GNPTAB: variants seen among roughly 807,000 people sequenced by gnomAD.
The protein encoded by GNPTAB is N-acetylglucosamine-1-phosphotransferase subunits alpha/beta.
A neutral mutation model predicts 136.6 loss-of-function variants in GNPTAB; 92 were observed. The observed-to-expected ratio is 0.67, with a 90% confidence interval of 0.57 to 0.80. The LOEUF (loss-of-function observed/expected upper bound fraction) is 0.80, where lower values mean the gene tolerates loss of function less well. GNPTAB is among the 30% of genes least tolerant of loss of function. GNPTAB has a pLI of 0.00. For missense variants in GNPTAB, 1,343 were observed against 1,501.8 expected (o/e 0.89, Z 1.75); for synonymous variants, 512 against 535.1 (o/e 0.96, Z 0.60).
In GNPTAB at chr12:101,765,307, A is replaced by G. The variant is rs1303293752; in HGVS notation, c.1613-3T>C. The G allele has an allele frequency of 5.7e-6, 9 of 1,589,598 alleles. No individual in the cohort carries two copies. Among genetic ancestry groups the G allele is most frequent in the Middle Eastern group, 3.3e-4 (2 of 6,024 alleles). On this transcript the variant is annotated splice_polypyrimidine_tract_variant and splice_region_variant and intron_variant, in intron 12 of 20. Transcript: ENST00000299314. ...TTTATACAATTCATGAAAATGATCT[A>G]GAGGAAAAAACAGAAACATGATTTT...
At chr12:101,817,862 G>A (rs1453456970) in intron 1 of GNPTAB, among the ~76,000 whole-genome samples, 14 of 152,224 alleles carry the variant, frequency 9.2e-5, no homozygotes, top group Admixed American at 5.2e-4. Context: ...TTTTCACCCC[G>A]TCTCCTGTTG....
intron 1 of GNPTAB, among the ~76,000 whole-genome samples, chr12:101,803,996 C>T (rs1348715363): frequency 6.6e-6 from 1 of 151,820 alleles, no homozygotes; most frequent in Non-Finnish European, 1.5e-5. Context: ...CTTTGGGAGG[C>T]CGAGGTGGGA....
chr12:101,757,349 C>T (rs756760913), intron 17 of GNPTAB, 39 bp from the exon 18 acceptor site: 39 of 1,172,420 alleles, frequency 3.3e-5, no homozygotes, highest in African/African-American at 1.5e-4. Context: ...TAAATAATTA[C>T]ATGGATATAA....
chr12:101,811,223 A>G (rs566096221), intron 1 of GNPTAB, among the ~76,000 whole-genome samples: 1 of 152,158 alleles, frequency 6.6e-6, no homozygotes, highest in African/African-American at 2.4e-5. Context: ...AAATAGTAAC[A>G]TCTTAGACTT....
At chr12:101,830,337 G>A (rs975575756) in intron 1 of GNPTAB, among the ~76,000 whole-genome samples, 2 of 152,166 alleles carry the variant, frequency 1.3e-5, no homozygotes, top group Admixed American at 6.5e-5. Context: ...AAAGAATACT[G>A]TATTTGGCCG....
chr12:101,822,965 T>C (rs1485756621), intron 1 of GNPTAB, among the ~76,000 whole-genome samples: 1 of 152,182 alleles, frequency 6.6e-6, no homozygotes, highest in Non-Finnish European at 1.5e-5. Context: ...ACATAACAAA[T>C]ATTTGGGAGA....
At chr12:101,816,195 AT>A (rs1222755210) in intron 1 of GNPTAB, among the ~76,000 whole-genome samples, 1 of 152,214 alleles carries the variant, frequency 6.6e-6, no homozygotes, top group Non-Finnish European at 1.5e-5. Context: ...GACAAATGGG[AT>A]TACATCAATC....
chr12:101,765,967 T>C (rs986017219), intron 12 of GNPTAB, 124 bp downstream of exon 12: 1 of 835,810 alleles, frequency 1.2e-6, no homozygotes, highest in Admixed American at 1.7e-5. Context: ...CTAGTTTGAA[T>C]GCAAGGCTGG....
chr12:101,770,577 C>T lies in GNPTAB; in HGVS notation c.942G>A (p.Gln314=), dbSNP rs1406146829. The change falls in exon 9 of 21, where the codon CAG becomes CAA. Residue 314 remains glutamine (Q), a synonymous_variant. Transcript: ENST00000299314. The part of the protein sequence containing the change: ...WDLSAISQSK[Q]DEDISASRFE... ...AACGACTGGCAGAGATGTCTTCATC[C>T]TGCTTAGACTGAGAAAAACACTTGG... 1 of 1,612,104 alleles carries T rather than the reference C, an allele frequency of 6.2e-7. No individual in the cohort carries two copies. The highest frequency in any genetic ancestry group is 8.5e-7 in the Non-Finnish European group (1 of 1,178,324).
At chr12:101,761,899 G>T in intron 13 of GNPTAB, 136 bp from the exon 14 acceptor site, 1 of 722,486 alleles carries the variant, frequency 1.4e-6, no homozygotes, top group Non-Finnish European at 2.4e-6. Flanking sequence ...CATGTTAACG[G>T]GTCACTTTAA....
chr12:101,781,642 C>A (rs1276608894), intron 5 of GNPTAB, among the ~76,000 whole-genome samples: 1 of 152,098 alleles, frequency 6.6e-6, no homozygotes, highest in Non-Finnish European at 1.5e-5. Context: ...CATGATCATG[C>A]CACTGCACTC....
Position 101,754,186 on chromosome 12 carries a change from G to A in GNPTAB, c.3435-647C>T, listed in dbSNP as rs112065075. 6.0e-3 allele frequency among the ~76,000 whole-genome samples: 912 copies of A among 152,128 alleles called. 7 individuals are homozygous for A. Among genetic ancestry groups the A allele is most frequent in the African/African-American group, 0.021 (871 of 41,490 alleles). Reference sequence around the variant, plus strand: ...TCATGCCTGTAATCCCAGCACTTTGGGAGATCAAGGTAGGCTGATTACTTG... The same window carrying A: ...TCATGCCTGTAATCCCAGCACTTTGAGAGATCAAGGTAGGCTGATTACTTG... On this transcript the variant is annotated intron_variant, in intron 18 of 20. Coordinates refer to ENST00000299314, the MANE Select transcript of GNPTAB (RefSeq NM_024312.5).
chr12:101,776,742 G>GCC lies in GNPTAB; in HGVS notation c.771+3408_771+3409dup, dbSNP rs765881532. 9.9e-5 allele frequency among the ~76,000 whole-genome samples: 15 copies of GCC among 152,220 alleles called. No individual in the cohort carries two copies. The East Asian group carries it at 1.9e-3, about 20-fold the overall frequency. On this transcript the variant is annotated intron_variant, in intron 7 of 20. Coordinates refer to ENST00000299314, the MANE Select transcript of GNPTAB (RefSeq NM_024312.5). Reference sequence around the variant, plus strand: ...CCTCATATGGCTCATTCCTTAAGCAGCCCCCTAAGTGCCAAGTAATCACTA... The same window carrying GCC: ...CCTCATATGGCTCATTCCTTAAGCAGCCCCCCCTAAGTGCCAAGTAATCACTA...
chr12:101,826,830 G>C (rs1224107892), intron 1 of GNPTAB, among the ~76,000 whole-genome samples: 1 of 151,628 alleles, frequency 6.6e-6, no homozygotes, highest in Non-Finnish European at 1.5e-5. Flanking sequence ...AGTCAATCTA[G>C]TAACACCATT....
intron 1 of GNPTAB, among the ~76,000 whole-genome samples, chr12:101,813,179 G>A (rs777577028): frequency 2.0e-5 from 3 of 152,066 alleles, no homozygotes; most frequent in Non-Finnish European, 2.9e-5. Context: ...AATCCGAAGG[G>A]AAACTAGAGT....
At chr12:101,796,143 G>A in intron 2 of GNPTAB, 1 of 689,714 alleles carries the variant, frequency 1.4e-6, no homozygotes, top group Non-Finnish European at 2.6e-6. Flanking sequence ...TTACTGGGGA[G>A]TGGTCCCATT....
At chr12:101,811,752 C>T (rs1251502229) in intron 1 of GNPTAB, among the ~76,000 whole-genome samples, 1 of 151,408 alleles carries the variant, frequency 6.6e-6, no homozygotes, top group Admixed American at 6.6e-5. Context: ...GATTCTCTTG[C>T]CTCAGCTTCC....
At position 101,768,129 on chromosome 12, in the gene GNPTAB, GCA is replaced by G; in HGVS notation, c.1314_1315del (p.Ala439ArgfsTer9). ...AATCCAGGAACCTGGGCAGCCCTCG[GCA>G]CAGTTTGGCACAGGCCATGTCAAAT... On this transcript the variant is annotated frameshift_variant, in exon 11 of 21. Coordinates refer to ENST00000299314, the MANE Select transcript of GNPTAB (RefSeq NM_024312.5). LOFTEE classifies it high-confidence loss of function. 1.9e-6 allele frequency: 3 copies of G among 1,614,012 alleles called. No individual in the cohort carries two copies. The highest frequency in any genetic ancestry group is 3.3e-5 in the Admixed American group (2 of 60,018).
Position 101,830,943 on chromosome 12 carries a change from G to T in GNPTAB, c.-268C>A, listed in dbSNP as rs1412953653. 6 of 149,418 alleles carry T rather than the reference G, an allele frequency of 4.0e-5. No individual in the cohort carries two copies. Among genetic ancestry groups the T allele is most frequent in the Admixed American group, 4.0e-4 (6 of 14,988 alleles). The allele number at this position is 149,418 out of a possible 1,614,324, so 9.3% of individuals were successfully genotyped here. ...CGGCCGGCGCCGCCCGGGTCTGGCC[G>T]GGCGAGAGGCGGCTGCGGCGGCGGC... On this transcript the variant is annotated 5_prime_UTR_variant, in exon 1 of 21. Coordinates refer to ENST00000299314, the MANE Select transcript of GNPTAB (RefSeq NM_024312.5).
Sources: gnomAD v4.1 joint callset for allele counts (sites outside exome capture counted in the v4.1 genomes callset) on GRCh38, gnomAD v4.1.1 for gene constraint, MANE v1.5 for transcripts, NCBI Gene and HGNC (gene_info 2026-07-23, HGNC 2026-07-21) for gene names.